Variants in PALB2 observed in about 807,000 individuals in gnomAD.
PALB2 encodes mutant partner and localizer of BRCA2.
Under a neutral mutation model 107.4 loss-of-function variants are expected in PALB2, and 82 were observed. That is an observed-to-expected ratio of 0.76 (90% CI 0.64 to 0.92). PALB2 has a LOEUF of 0.92. Among genes scored for constraint, PALB2 ranks in the 40% least tolerant of loss-of-function variants. The probability of loss-of-function intolerance (pLI) is 0.00; values close to 1 mark genes in which losing one functional copy is unlikely to be tolerated. For missense variants in PALB2, 1,374 were observed against 1,379.9 expected (o/e 1.00, Z 0.07); for synonymous variants, 489 against 496.8 (o/e 0.98, Z 0.21).
intron 1 of PALB2, 124 bp downstream of exon 1, chr16:23,640,986 C>T (rs962447090): frequency 3.6e-6 from 4 of 1,101,174 alleles, no homozygotes; most frequent in Non-Finnish European, 3.9e-6. Context: ...CCCCTCAGCC[C>T]TAAGAGGAGG....
chr16:23,612,632 T>A (rs973826032), intron 11 of PALB2, among the ~76,000 whole-genome samples: 1 of 151,238 alleles, frequency 6.6e-6, no homozygotes, highest in Non-Finnish European at 1.5e-5. Context: ...GCTCCAGGGA[T>A]CCCCTGAACT....
intron 6 of PALB2, among the ~76,000 whole-genome samples, chr16:23,628,657 T>TAAAATA (rs1966851876): frequency 6.6e-5 from 10 of 152,212 alleles, no homozygotes; most frequent in Admixed American, 3.3e-4. Context: ...ATTTTATTTT[T>TAAAATA]GAGACAGAGT....
chr16:23,615,027 C>T (rs1243577032), intron 10 of PALB2, among the ~76,000 whole-genome samples: 1 of 149,240 alleles, frequency 6.7e-6, no homozygotes, highest in Non-Finnish European at 1.5e-5. Flanking sequence ...TGGCTCACTG[C>T]AATCTGCACC....
intron 11 of PALB2, among the ~76,000 whole-genome samples, chr16:23,611,438 G>A (rs1369955604): frequency 6.7e-6 from 1 of 149,454 alleles, no homozygotes; most frequent in Non-Finnish European, 1.5e-5. Context: ...GAGCCACCAT[G>A]CCCAGCCTAG....
chr16:23,617,443 G>C (rs1966702682), intron 10 of PALB2, among the ~76,000 whole-genome samples: 1 of 151,970 alleles, frequency 6.6e-6, no homozygotes, highest in Non-Finnish European at 1.5e-5. Context: ...AGGCAGGCCA[G>C]GTGCGGCAGC....
At chr16:23,619,732 A>G (rs1567212163) in intron 10 of PALB2, among the ~76,000 whole-genome samples, 1 of 152,178 alleles carries the variant, frequency 6.6e-6, no homozygotes, top group Non-Finnish European at 1.5e-5. Context: ...CCTATGTGCC[A>G]GACAATATGG....
At chr16:23,639,457 G>A (rs1433524470) in intron 1 of PALB2, among the ~76,000 whole-genome samples, 2 of 149,710 alleles carry the variant, frequency 1.3e-5, no homozygotes, top group Non-Finnish European at 3.0e-5. Flanking sequence ...GGCGGAGGTT[G>A]CAGTGGGCCT....
intron 10 of PALB2, among the ~76,000 whole-genome samples, chr16:23,619,319 T>A (rs1055121246): frequency 6.6e-6 from 1 of 152,140 alleles, no homozygotes; most frequent in Non-Finnish European, 1.5e-5. Context: ...CTATCACAAA[T>A]CTGTTAATTT....
chr16:23,625,470 A>G (rs938235956), intron 7 of PALB2, among the ~76,000 whole-genome samples: 18 of 152,110 alleles, frequency 1.2e-4, no homozygotes, highest in African/African-American at 4.1e-4. Context: ...GTTCAAGACC[A>G]GCCCAGGCGA....
rs113037118 is a variant in PALB2 at position 23,626,498 on chromosome 16, G to C, written c.2587-101C>G. The stretch of plus-strand genomic sequence containing the variant: ...TGAATTATAATTCAATGAAACAGTA[G>C]GTATGTAAAATTTAAGTCTTATGCA... On this transcript the variant is annotated intron_variant, in intron 6 of 12. Transcript: ENST00000261584. 95 of 1,425,500 alleles carry C rather than the reference G, an allele frequency of 6.7e-5. 1 individual carries two copies. The African/African-American group carries it at 9.6e-4, about 14-fold the overall frequency. 88.3% of individuals were successfully genotyped at this position (1,425,500 alleles called of 1,614,324 possible). A position where few individuals can be genotyped will look rare whatever the true frequency, so the allele number is the denominator to read the frequency against.
At position 23,636,297 on chromosome 16, in the gene PALB2, G is replaced by A. The variant is rs1057523390; in HGVS notation, c.249C>T (p.His83=). 4 of 1,613,304 alleles carry A rather than the reference G, an allele frequency of 2.5e-6. No individual in the cohort carries two copies. Among genetic ancestry groups the A allele is most frequent in the Non-Finnish European group, 3.4e-6 (4 of 1,179,552 alleles). ...TTTCTTCATCAAGATGGGTTTTGAT[G>A]TGTAACTTGTCATAAACACATATTT... ...KNKICVYDKL[H]IKTHLDEETG... is the part of the protein sequence containing the mutation. Residue 83 remains histidine, a synonymous_variant, in exon 4 of 13, where the codon CAC becomes CAT. Coordinates refer to ENST00000261584, the MANE Select transcript of PALB2 (RefSeq NM_024675.4).
intron 12 of PALB2, among the ~76,000 whole-genome samples, chr16:23,605,198 A>G (rs960505782): frequency 2.0e-5 from 3 of 152,172 alleles, no homozygotes; most frequent in African/African-American, 7.2e-5. Flanking sequence ...TTCCCACCCA[A>G]CTTTGCGTAC....
intron 7 of PALB2, 54 bp downstream of exon 7, chr16:23,626,181 AC>A: frequency 6.2e-7 from 1 of 1,607,838 alleles, no homozygotes; most frequent in Non-Finnish European, 8.5e-7. Flanking sequence ...CTGCCCATCT[AC>A]ATTATCAGGC....
intron 10 of PALB2, among the ~76,000 whole-genome samples, chr16:23,615,831 A>C (rs372842525): frequency 7.3e-5 from 11 of 151,368 alleles, no homozygotes; most frequent in African/African-American, 2.7e-4. Context: ...CACCCAGCTA[A>C]TTTTTGTATT....
chr16:23,630,434 A>G lies in PALB2; in HGVS notation c.1720T>C (p.Ser574Pro), dbSNP rs1214293842. The change falls in exon 5 of 13, where the codon TCT (serine) becomes CCT (proline). Residue 574 changes from serine (S) to proline (P), a missense_variant. Physicochemically the swap from Ser to Pro is moderately conservative, Grantham distance 74. Coordinates refer to ENST00000261584, the MANE Select transcript of PALB2 (RefSeq NM_024675.4). Reference protein sequence around the residue: ...KSRHQKEDSLSWSNSAYLSLD... With the variant: ...KSRHQKEDSLPWSNSAYLSLD... ...GATAAATAAGCACTATTACTCCAAGAAAGGGAATCCTCTTTTTGATGACGA... is the reference window on the plus strand; with the variant it reads ...GATAAATAAGCACTATTACTCCAAGGAAGGGAATCCTCTTTTTGATGACGA... 9 of 1,613,686 alleles carry G rather than the reference A, an allele frequency of 5.6e-6. No homozygotes were observed. Among genetic ancestry groups the G allele is most frequent in the Non-Finnish European group, 7.6e-6 (9 of 1,179,900 alleles).
Position 23,635,906 on chromosome 16 carries a change from T to C in PALB2, c.640A>G (p.Thr214Ala). 6.2e-7 allele frequency: 1 copy of C among 1,614,182 alleles called. No individual in the cohort carries two copies. Among genetic ancestry groups the C allele is most frequent in the Non-Finnish European group, 8.5e-7 (1 of 1,180,026 alleles). The change falls in exon 4 of 13, where the codon ACA becomes GCA. Residue 214 changes from threonine to alanine, a missense_variant. Transcript: ENST00000261584. Reference sequence around the variant, plus strand: ...AATACACTGTCTTCATTAATTTCTGTAACTGGTTCTGGAGAATCTGGAAGT... The same window carrying C: ...AATACACTGTCTTCATTAATTTCTGCAACTGGTTCTGGAGAATCTGGAAGT... Reference protein sequence around the residue: ...SELPDSPEPVTEINEDSVLIP... With the variant: ...SELPDSPEPVAEINEDSVLIP...
At chr16:23,639,590 C>T (rs1190953688) in intron 1 of PALB2, among the ~76,000 whole-genome samples, 1 of 148,726 alleles carries the variant, frequency 6.7e-6, no homozygotes, top group African/African-American at 2.5e-5. Flanking sequence ...AAGGCCAAGG[C>T]GGGCAGATTA....
chr16:23,612,902 G>A (rs149940620), intron 11 of PALB2, among the ~76,000 whole-genome samples: 1,618 of 151,980 alleles, frequency 0.011, 12 homozygotes, highest in Non-Finnish European at 0.017. Context: ...ACAGGCATGC[G>A]CCACCACGCC....
At chr16:23,629,565 G>C in intron 5 of PALB2, 75 bp downstream of exon 5, 1 of 1,426,872 alleles carries the variant, frequency 7.0e-7, no homozygotes, top group Non-Finnish European at 9.8e-7. Flanking sequence ...CAATGCGCAA[G>C]CAAGTCATGC....
Sources: gnomAD v4.1 joint callset for allele counts (sites outside exome capture counted in the v4.1 genomes callset) on GRCh38, gnomAD v4.1.1 for gene constraint, MANE v1.5 for transcripts, NCBI Gene and HGNC (gene_info 2026-07-23, HGNC 2026-07-21) for gene names.